Variants in SORCS2 observed in about 807,000 individuals in gnomAD.
SORCS2 encodes VPS10 domain-containing receptor SorCS2.
SORCS2 carries 100 observed loss-of-function variants against 141.6 expected under a neutral mutation model. The observed-to-expected ratio is 0.71, with a 90% CI of 0.60 to 0.83. The LOEUF (loss-of-function observed/expected upper bound fraction) is 0.83, where lower values mean the gene tolerates loss of function less well. SORCS2 is among the 40% of genes least tolerant of loss of function. SORCS2 has a pLI of 0.00. For synonymous variants in SORCS2, 789 were observed against 676.9 expected, an observed-to-expected ratio of 1.17 and a Z score of -2.57; for missense variants, 1,646 against 1,560.2, an observed-to-expected ratio of 1.05 and a Z score of -0.93.
At chr4:7,647,188 T>C (rs1045734971) in intron 4 of SORCS2, among the ~76,000 whole-genome samples, 20 of 151,728 alleles carry the variant, frequency 1.3e-4, no homozygotes, top group Admixed American at 6.6e-4. Context: ...ATGATTGAGC[T>C]TGGGGAACCG....
intron 8 of SORCS2, among the ~76,000 whole-genome samples, chr4:7,668,639 G>GA (rs1190652449): frequency 1.6e-4 from 25 of 152,166 alleles, no homozygotes; most frequent in Admixed American, 1.4e-3. Flanking sequence ...TTAAAAACAA[G>GA]AAAAAAATAA....
chr4:7,365,041 G>A (rs940437686), intron 1 of SORCS2, among the ~76,000 whole-genome samples: 1 of 152,232 alleles, frequency 6.6e-6, no homozygotes, highest in Non-Finnish European at 1.5e-5. Context: ...GCCCAAATGA[G>A]TGGATTCATG....
intron 3 of SORCS2, among the ~76,000 whole-genome samples, chr4:7,622,504 C>A (rs1041026507): frequency 6.6e-6 from 1 of 152,184 alleles, no homozygotes; most frequent in African/African-American, 2.4e-5. Flanking sequence ...CCAGCCGGCC[C>A]CTCTGCTGCT....
At chr4:7,422,500 C>G (rs114926647) in intron 2 of SORCS2, among the ~76,000 whole-genome samples, 2,074 of 152,216 alleles carry the variant, frequency 0.014, 35 homozygotes, top group African/African-American at 0.048. Context: ...GGTCTACACT[C>G]AAGTTTGAGA....
chr4:7,642,937 T>C (rs1258014404), intron 4 of SORCS2, among the ~76,000 whole-genome samples: 1 of 152,200 alleles, frequency 6.6e-6, no homozygotes, highest in Non-Finnish European at 1.5e-5. Flanking sequence ...TCACACAGCA[T>C]CGGCCAAAGC....
intron 3 of SORCS2, among the ~76,000 whole-genome samples, chr4:7,595,171 GAGC>G (rs1717179673): frequency 6.6e-6 from 1 of 152,148 alleles, no homozygotes; most frequent in Admixed American, 6.5e-5. Flanking sequence ...GAACTCAGGA[GAGC>G]AGTTTCCTTG....
At chr4:7,387,694 ACAC>A (rs1723505523) in intron 1 of SORCS2, among the ~76,000 whole-genome samples, 1 of 138,102 alleles carries the variant, frequency 7.2e-6, no homozygotes, top group African/African-American at 3.3e-5. Context: ...ACACAGAGAT[ACAC>A]ACGCACATGC....
At chr4:7,310,457 A>G (rs1485085679) in intron 1 of SORCS2, 1 of 154,316 alleles carries the variant, frequency 6.5e-6, no homozygotes, top group Non-Finnish European at 1.5e-5. Flanking sequence ...ATGAAGTACA[A>G]CTTCGGTATA....
intron 3 of SORCS2, among the ~76,000 whole-genome samples, chr4:7,572,777 G>A (rs1044885821): frequency 2.0e-5 from 3 of 152,152 alleles, no homozygotes; most frequent in Non-Finnish European, 4.4e-5. Context: ...CTCACTGAAA[G>A]GTGTTGCATT....
At chr4:7,200,127 C>T (rs1430285489) in intron 1 of SORCS2, among the ~76,000 whole-genome samples, 1 of 152,078 alleles carries the variant, frequency 6.6e-6, no homozygotes, top group Non-Finnish European at 1.5e-5. Flanking sequence ...TGGAAGTGCT[C>T]AAAAGGAGGC....
intron 3 of SORCS2, among the ~76,000 whole-genome samples, chr4:7,601,804 G>A (rs568983851): frequency 3.3e-5 from 5 of 152,118 alleles, no homozygotes; most frequent in Admixed American, 2.0e-4. Context: ...TTTCCTAGGC[G>A]GAGGACCCTG....
chr4:7,571,193 C>A (rs182764857), intron 3 of SORCS2, among the ~76,000 whole-genome samples: 2 of 152,184 alleles, frequency 1.3e-5, no homozygotes, highest in Non-Finnish European at 2.9e-5. Flanking sequence ...TAGGTTTTTC[C>A]GCAGATGCTC....
At chr4:7,541,456 G>A (rs1167537416) in intron 3 of SORCS2, among the ~76,000 whole-genome samples, 2 of 152,204 alleles carry the variant, frequency 1.3e-5, no homozygotes, top group African/African-American at 2.4e-5. Flanking sequence ...TCTGATGATG[G>A]TCTCTGGGCA....
At chr4:7,440,894 T>A (rs990870141) in intron 2 of SORCS2, among the ~76,000 whole-genome samples, 1 of 152,030 alleles carries the variant, frequency 6.6e-6, no homozygotes, top group Non-Finnish European at 1.5e-5. Flanking sequence ...AGGGGCTCAA[T>A]GGGGATGAAG....
chr4:7,274,886 G>A (rs142500167), intron 1 of SORCS2, among the ~76,000 whole-genome samples: 2 of 152,158 alleles, frequency 1.3e-5, no homozygotes, highest in Non-Finnish European at 2.9e-5. Flanking sequence ...CCCCCATCAC[G>A]TGGTGCTTCC....
intron 1 of SORCS2, among the ~76,000 whole-genome samples, chr4:7,285,426 C>T (rs796919531): frequency 6.6e-5 from 10 of 152,332 alleles, no homozygotes; most frequent in African/African-American, 2.2e-4. Flanking sequence ...AGGATGTGGA[C>T]CAGTCATGTA....
At chr4:7,243,508 C>T (rs1219452519) in intron 1 of SORCS2, among the ~76,000 whole-genome samples, 2 of 152,134 alleles carry the variant, frequency 1.3e-5, no homozygotes, top group African/African-American at 4.8e-5. Context: ...GCCCGGGCTC[C>T]AGCTTCCAGA....
chr4:7,416,979 C>T (rs1228252800), intron 2 of SORCS2, among the ~76,000 whole-genome samples: 2 of 152,198 alleles, frequency 1.3e-5, no homozygotes, highest in Non-Finnish European at 2.9e-5. Context: ...CATGCCTCTG[C>T]CTGTGGTCTG....
intron 1 of SORCS2, among the ~76,000 whole-genome samples, chr4:7,331,175 G>T (rs919485927): frequency 1.3e-5 from 2 of 152,154 alleles, no homozygotes; most frequent in African/African-American, 4.8e-5. Flanking sequence ...TGGTGGGGGG[G>T]CTTCACCCCC....
Sources: gnomAD v4.1 joint callset for allele counts (sites outside exome capture counted in the v4.1 genomes callset) on GRCh38, gnomAD v4.1.1 for gene constraint, MANE v1.5 for transcripts, NCBI Gene and HGNC (gene_info 2026-07-23, HGNC 2026-07-21) for gene names.